The following PUS10 variants were observed in gnomAD, a reference collection of about 807,000 sequenced individuals.
PUS10 encodes the protein pseudouridine synthase 10.
A neutral mutation model predicts 75.0 loss-of-function variants in PUS10; 59 were observed. The observed-to-expected ratio is 0.79, with a 90% CI of 0.64 to 0.98. The LOEUF is 0.98. Ranked by LOEUF, PUS10 falls within the 50% of genes least tolerant of loss-of-function variation. The pLI, the probability that PUS10 is intolerant of heterozygous loss-of-function variation, is 0.00. For missense variants in PUS10, 650 were observed against 614.4 expected, an observed-to-expected ratio of 1.06 and a Z score of -0.61; for synonymous variants, 219 against 211.6, an observed-to-expected ratio of 1.03 and a Z score of -0.30.
chr2:60,995,562 T>C (rs1678400333), intron 4 of PUS10, among the ~76,000 whole-genome samples: 1 of 152,190 alleles, frequency 6.6e-6, no homozygotes, highest in Non-Finnish European at 1.5e-5. Context: ...AGAGTCTGAA[T>C]TAGAAGTTCC....
intron 15 of PUS10, among the ~76,000 whole-genome samples, chr2:60,951,502 G>A (rs760743905): frequency 6.6e-6 from 1 of 152,120 alleles, no homozygotes; most frequent in Admixed American, 6.5e-5. Context: ...ACCCAGTGAC[G>A]GATCATCAGG....
chr2:60,962,294 G>T (rs918830576), intron 9 of PUS10, among the ~76,000 whole-genome samples: 1 of 152,180 alleles, frequency 6.6e-6, no homozygotes. Context: ...TGATTCGGCC[G>T]GGCACGGTGG....
At chr2:60,983,616 G>A (rs1231875421) in intron 4 of PUS10, among the ~76,000 whole-genome samples, 2 of 151,826 alleles carry the variant, frequency 1.3e-5, no homozygotes, top group African/African-American at 4.8e-5. Flanking sequence ...GGCGGAGGTT[G>A]CAGTGAGCCG....
chr2:61,017,750 G>T (rs1342966151), intron 1 of PUS10: 3 of 1,548,704 alleles, frequency 1.9e-6, no homozygotes, highest in Non-Finnish European at 8.7e-7. Flanking sequence ...GCCGAGAGGA[G>T]GCGGAGGAGA....
At chr2:60,954,326 G>A (rs1266259874) in intron 12 of PUS10, among the ~76,000 whole-genome samples, 168 bp from the exon 13 acceptor site, 1 of 152,264 alleles carries the variant, frequency 6.6e-6, no homozygotes, top group East Asian at 1.9e-4. Context: ...AAGAATCAAG[G>A]GGCTTTTTGC....
chr2:60,954,647 G>T (rs1045298588), intron 12 of PUS10, among the ~76,000 whole-genome samples: 2 of 152,192 alleles, frequency 1.3e-5, no homozygotes, highest in Non-Finnish European at 2.9e-5. Flanking sequence ...GGTTAAGACA[G>T]CAGAATCACT....
chr2:61,002,826 A>G (rs547909969), intron 4 of PUS10, among the ~76,000 whole-genome samples: 5 of 152,340 alleles, frequency 3.3e-5, no homozygotes, highest in African/African-American at 9.6e-5. Flanking sequence ...TTATGCCATT[A>G]TAGACTTTGG....
intron 4 of PUS10, among the ~76,000 whole-genome samples, chr2:60,993,901 T>G (rs1678277737): frequency 6.6e-6 from 1 of 152,068 alleles, no homozygotes; most frequent in Non-Finnish European, 1.5e-5. Flanking sequence ...GCCATTCTCC[T>G]TTCTCAGCCT....
chr2:60,992,212 C>T (rs976885544), intron 4 of PUS10, among the ~76,000 whole-genome samples: 6 of 152,036 alleles, frequency 3.9e-5, no homozygotes, highest in South Asian at 2.1e-4. Context: ...GACGGGTTTT[C>T]GCCATGTTGA....
chr2:60,967,384 A>G, intron 6 of PUS10, 118 bp downstream of exon 6: 2 of 651,896 alleles, frequency 3.1e-6, no homozygotes, highest in Non-Finnish European at 5.4e-6. Flanking sequence ...AAAGCTTAAA[A>G]AATCCTTCAC....
chr2:60,989,949 T>C (rs1161821750), intron 4 of PUS10, among the ~76,000 whole-genome samples: 2 of 152,048 alleles, frequency 1.3e-5, no homozygotes, highest in African/African-American at 4.8e-5. Flanking sequence ...TTCTGTACTC[T>C]TCAATATGAC....
At chr2:60,957,670 C>T (rs1016334922) in intron 11 of PUS10, among the ~76,000 whole-genome samples, 6 of 152,252 alleles carry the variant, frequency 3.9e-5, no homozygotes, top group African/African-American at 1.4e-4. Flanking sequence ...CCCTGGTAGA[C>T]ATAAGTAGCA....
intron 4 of PUS10, among the ~76,000 whole-genome samples, chr2:60,999,057 A>C (rs1292874083): frequency 6.6e-6 from 1 of 151,938 alleles, no homozygotes; most frequent in East Asian, 1.9e-4. Flanking sequence ...CAATGGACTA[A>C]GCAAACTGTT....
chr2:60,953,907 A>G, intron 14 of PUS10, 26 bp downstream of exon 14: 1 of 1,603,278 alleles, frequency 6.2e-7, no homozygotes, highest in Non-Finnish European at 8.5e-7. Flanking sequence ...CCCTTTTGAA[A>G]TCATCTCCAA....
intron 6 of PUS10, 50 bp downstream of exon 6, chr2:60,967,451 TA>T: frequency 8.0e-7 from 1 of 1,253,374 alleles, no homozygotes; most frequent in South Asian, 1.3e-5. Context: ...TATAATTAAG[TA>T]AAACTAGTAA....
At chr2:61,006,456 TA>T in intron 4 of PUS10, 100 bp downstream of exon 4, 3 of 865,462 alleles carry the variant, frequency 3.5e-6, no homozygotes, top group Non-Finnish European at 5.4e-6. Context: ...AGACAAAATG[TA>T]AAAAATATAA....
intron 1 of PUS10, among the ~76,000 whole-genome samples, chr2:61,012,212 G>A (rs577054124): frequency 1.3e-5 from 2 of 152,266 alleles, no homozygotes; most frequent in South Asian, 2.1e-4. Context: ...CTTCTGAGGA[G>A]GGTAATGAAA....
At chr2:60,979,367 C>T (rs1038950408) in intron 4 of PUS10, among the ~76,000 whole-genome samples, 14 of 152,154 alleles carry the variant, frequency 9.2e-5, no homozygotes, top group Non-Finnish European at 1.8e-4. Flanking sequence ...TGTGCCTCAC[C>T]GTGTGTCAGG....
At chr2:60,968,623 A>G (rs558386733) in intron 5 of PUS10, among the ~76,000 whole-genome samples, 7 of 152,172 alleles carry the variant, frequency 4.6e-5, no homozygotes, top group Non-Finnish European at 1.0e-4. Flanking sequence ...AGAAAAAAAA[A>G]AGAATATGCA....
Sources: allele counts gnomAD v4.1 joint callset (sites outside exome capture counted in the v4.1 genomes callset), GRCh38; gene constraint gnomAD v4.1.1; transcripts MANE v1.5; gene names NCBI Gene and HGNC (gene_info 2026-07-23, HGNC 2026-07-21).